The following THEMIS variants were observed in gnomAD, a reference collection of about 807,000 sequenced individuals.
THEMIS encodes the protein thymocyte selection associated.
In THEMIS, 37 loss-of-function variants were observed where a neutral mutation model predicts 52.6. The observed-to-expected ratio is 0.70, with a 90% CI of 0.54 to 0.93. The LOEUF is 0.93. THEMIS is among the 40% of genes least tolerant of loss of function. The pLI, the probability that THEMIS is intolerant of heterozygous loss-of-function variation, is 0.00. For synonymous variants in THEMIS, 292 were observed against 272.7 expected, an observed-to-expected ratio of 1.07 and a Z score of -0.70; for missense variants, 808 against 763.1, an observed-to-expected ratio of 1.06 and a Z score of -0.69.
At position 127,728,672 on chromosome 6, in the gene THEMIS, G is replaced by C. The variant is rs191914630; in HGVS notation, c.1759-8849C>G. On this transcript the variant is annotated intron_variant, in intron 4 of 5. Transcript: ENST00000368248. ...GGGATATGGTACTAAGAAAGAAGAG[G>C]CAAAGAATTCCCTGCCCTCCTTGTG... Among the ~76,000 whole-genome samples, 344 of 152,284 alleles carry C rather than the reference G, an allele frequency of 2.3e-3. 2 individuals carry two copies. The highest frequency in any genetic ancestry group is 7.8e-3 in the African/African-American group (324 of 41,580).
rs1773912323 is a variant in THEMIS, at chr6:127,709,807, C to A, written c.*178G>T. On this transcript the variant is annotated 3_prime_UTR_variant, in exon 6 of 6. Coordinates refer to ENST00000368248, the MANE Select transcript of THEMIS (RefSeq NM_001010923.3). Reference sequence around the variant, plus strand: ...AGAATAGACTATATGAATTCTATATCATAGGTTTCTGTAAGTTTTATCTGT... The same window carrying A: ...AGAATAGACTATATGAATTCTATATAATAGGTTTCTGTAAGTTTTATCTGT... 3 of 580,704 alleles carry A rather than the reference C, an allele frequency of 5.2e-6. No individual in the cohort carries two copies. The highest frequency in any genetic ancestry group is 3.6e-5 in the Admixed American group (1 of 27,576). 36.0% of individuals were successfully genotyped at this position (580,704 alleles called of 1,614,324 possible). A position where few individuals can be genotyped will look rare whatever the true frequency, so the allele number is the denominator to read the frequency against.
At chr6:127,908,493 C>T (rs957025468) in intron 1 of THEMIS, among the ~76,000 whole-genome samples, 2 of 152,142 alleles carry the variant, frequency 1.3e-5, no homozygotes, top group Admixed American at 1.3e-4. Context: ...GTTCTGCCTA[C>T]TGCTCGGTGC....
At chr6:127,799,247 G>T (rs1404181741) in intron 4 of THEMIS, among the ~76,000 whole-genome samples, 2 of 152,236 alleles carry the variant, frequency 1.3e-5, no homozygotes, top group African/African-American at 4.8e-5. Context: ...CAGTAATGTG[G>T]ATAATAAATT....
chr6:127,841,437 G>A (rs528130075), intron 2 of THEMIS, among the ~76,000 whole-genome samples: 74 of 152,160 alleles, frequency 4.9e-4, no homozygotes, highest in African/African-American at 1.7e-3. Context: ...CGGTAAGAAA[G>A]ACGGATGGTA....
Position 127,765,275 on chromosome 6 carries a change from T to A in THEMIS, c.1759-45452A>T, listed in dbSNP as rs80348740. ...TATTGGTTGCCTACTGTCTGGGAAG[T>A]ATTTCACAATGCAACAAAGTTTGCA... On this transcript the variant is annotated intron_variant, in intron 4 of 5. Transcript: ENST00000368248. Among the ~76,000 whole-genome samples the A allele has an allele frequency of 3.5e-3, 526 of 152,158 alleles. 2 individuals are homozygous for A. Among genetic ancestry groups the A allele is most frequent in the African/African-American group, 0.012 (498 of 41,558 alleles).
intron 4 of THEMIS, among the ~76,000 whole-genome samples, chr6:127,739,773 G>GT (rs1431200413): frequency 2.6e-5 from 4 of 152,192 alleles, no homozygotes; most frequent in Non-Finnish European, 4.4e-5. Context: ...ATGCTGTACC[G>GT]TAACAAATCG....
intron 3 of THEMIS, among the ~76,000 whole-genome samples, chr6:127,822,309 T>G (rs1778367151): frequency 1.3e-5 from 2 of 152,070 alleles, no homozygotes; most frequent in Admixed American, 6.6e-5. Context: ...ATTCTGCAAA[T>G]TATTTTTTTA....
chr6:127,785,131 T>C (rs2114498052), intron 4 of THEMIS, among the ~76,000 whole-genome samples: 1 of 152,062 alleles, frequency 6.6e-6, no homozygotes, highest in African/African-American at 2.4e-5. Context: ...ATTATCTACC[T>C]ACCTATTGTC....
chr6:127,749,490 T>C (rs2114327995), intron 4 of THEMIS, among the ~76,000 whole-genome samples: 1 of 152,156 alleles, frequency 6.6e-6, no homozygotes, highest in Non-Finnish European at 1.5e-5. Context: ...TTAAAAATGT[T>C]CTATCACATT....
intron 2 of THEMIS, among the ~76,000 whole-genome samples, chr6:127,837,030 T>A (rs925002439): frequency 1.3e-5 from 2 of 152,156 alleles, no homozygotes; most frequent in African/African-American, 4.8e-5. Flanking sequence ...CTATTGTTGA[T>A]CACTTTAGAC....
At chr6:127,831,927 G>A (rs898713577) in intron 2 of THEMIS, among the ~76,000 whole-genome samples, 5 of 152,170 alleles carry the variant, frequency 3.3e-5, no homozygotes, top group South Asian at 2.1e-4. Flanking sequence ...GTGTGTGTGC[G>A]CGTGCCTGTG....
intron 1 of THEMIS, among the ~76,000 whole-genome samples, chr6:127,912,114 C>T (rs900808339): frequency 3.9e-5 from 6 of 152,160 alleles, no homozygotes; most frequent in Non-Finnish European, 7.3e-5. Flanking sequence ...CTTGCATCAG[C>T]ATGATCTGGA....
intron 1 of THEMIS, among the ~76,000 whole-genome samples, chr6:127,878,604 G>A (rs544868544): frequency 3.1e-4 from 47 of 152,222 alleles, no homozygotes; most frequent in Admixed American, 5.9e-4. Flanking sequence ...ACCAAATTAA[G>A]GTGAATGACA....
chr6:127,705,752 A>G (rs1773790351), downstream of THEMIS, among the ~76,000 whole-genome samples: 1 of 152,200 alleles, frequency 6.6e-6, no homozygotes, highest in Non-Finnish European at 1.5e-5. Context: ...GGGAGATGCA[A>G]CAGTGGGATA....
chr6:127,825,803 T>C (rs1778487484), intron 3 of THEMIS, among the ~76,000 whole-genome samples: 1 of 151,664 alleles, frequency 6.6e-6, no homozygotes, highest in Non-Finnish European at 1.5e-5. Context: ...CTTTGAAAAA[T>C]TACACTGAGT....
At chr6:127,718,374 A>T (rs1413728345) in intron 5 of THEMIS, among the ~76,000 whole-genome samples, 1 of 151,888 alleles carries the variant, frequency 6.6e-6, no homozygotes, top group African/African-American at 2.4e-5. Context: ...CTTTGTCCCT[A>T]AAATCATCAC....
the THEMIS span, among the ~76,000 whole-genome samples, chr6:127,697,449 A>G: frequency 6.6e-6 from 1 of 152,206 alleles, no homozygotes; most frequent in East Asian, 1.9e-4. Flanking sequence ...AGCAATAGGC[A>G]TAACAGTTCT....
intron 4 of THEMIS, among the ~76,000 whole-genome samples, chr6:127,721,662 G>T (rs568038782): frequency 6.6e-6 from 1 of 152,030 alleles, no homozygotes; most frequent in South Asian, 2.1e-4. Flanking sequence ...AAAAATATAA[G>T]CCCATCACTG....
intron 4 of THEMIS, among the ~76,000 whole-genome samples, chr6:127,753,212 C>G (rs1246846351): frequency 6.6e-6 from 1 of 151,934 alleles, no homozygotes; most frequent in Non-Finnish European, 1.5e-5. Context: ...ACATCATACT[C>G]AAGAGTAAAA....
Sources: gnomAD v4.1 joint callset for allele counts (sites outside exome capture counted in the v4.1 genomes callset) on GRCh38, gnomAD v4.1.1 for gene constraint, MANE v1.5 for transcripts, NCBI Gene and HGNC (gene_info 2026-07-23, HGNC 2026-07-21) for gene names.